Variants in SAMMSON observed in about 807,000 individuals in gnomAD.
The protein encoded by SAMMSON is survival associated mitochondrial melanoma specific oncogenic non-coding RNA.
rs544741575 is a variant in SAMMSON at position 70,018,368 on chromosome 3, C to T, written n.417+4696C>T. Among the ~76,000 whole-genome samples, 16 of 152,182 alleles carry T rather than the reference C, an allele frequency of 1.1e-4. No individual in the cohort carries two copies. The East Asian group carries it at 2.9e-3, about 28-fold the overall frequency. ...TCTTCTAGATTTTCTAGTTTATTTGCGTAGAGGTGTTTATAGTATTTTATG... is the reference window on the plus strand; with the variant it reads ...TCTTCTAGATTTTCTAGTTTATTTGTGTAGAGGTGTTTATAGTATTTTATG... On this transcript the variant is annotated intron_variant and non_coding_transcript_variant, in intron 3 of 9. Coordinates refer to ENST00000642114, the Ensembl canonical transcript of SAMMSON.
At chr3:70,152,948 G>A (rs2067577352) in intron 4 of SAMMSON, among the ~76,000 whole-genome samples, 1 of 151,976 alleles carries the variant, frequency 6.6e-6, no homozygotes, top group Admixed American at 6.6e-5. Context: ...ATTGTGTCTG[G>A]TCTGAAGCAT....
At chr3:70,176,354 G>A (rs764125116) in intron 4 of SAMMSON, among the ~76,000 whole-genome samples, 1 of 152,116 alleles carries the variant, frequency 6.6e-6, no homozygotes, top group Non-Finnish European at 1.5e-5. Context: ...GTAATTAGAG[G>A]CATTAAGGAA....
intron 4 of SAMMSON, among the ~76,000 whole-genome samples, chr3:70,230,911 A>C (rs1701553555): frequency 6.6e-6 from 1 of 152,144 alleles, no homozygotes; most frequent in Non-Finnish European, 1.5e-5. Flanking sequence ...TTGAAAAGGC[A>C]AACTTCCACT....
At chr3:70,286,582 C>T (rs1457161473) in intron 6 of SAMMSON, among the ~76,000 whole-genome samples, 1 of 151,818 alleles carries the variant, frequency 6.6e-6, no homozygotes, top group East Asian at 1.9e-4. Flanking sequence ...GTAGTTTTTT[C>T]CAATTCTGTG....
At chr3:70,031,786 T>C (rs1233640572) in intron 3 of SAMMSON, among the ~76,000 whole-genome samples, 2 of 152,192 alleles carry the variant, frequency 1.3e-5, no homozygotes, top group Non-Finnish European at 2.9e-5. Context: ...TGATGAGACA[T>C]TAAAACACTG....
At chr3:70,072,192 C>T (rs1034906291) in intron 4 of SAMMSON, 5 of 151,786 alleles carry the variant, frequency 3.3e-5, no homozygotes, top group African/African-American at 1.2e-4. Flanking sequence ...CAAAGTTGTT[C>T]CAGGTTTTTT....
intron 7 of SAMMSON, among the ~76,000 whole-genome samples, chr3:70,324,945 G>A (rs58792696): frequency 0.021 from 3,214 of 150,360 alleles, 98 homozygotes; most frequent in African/African-American, 0.065. Flanking sequence ...GAAGTGATAC[G>A]ATTAGGAAAA....
chr3:70,125,621 A>C, intron 4 of SAMMSON: 1 of 699,704 alleles, frequency 1.4e-6, no homozygotes, highest in East Asian at 2.7e-5. Flanking sequence ...TCTTTCTTAA[A>C]TGCAGCTGGC....
intron 7 of SAMMSON, among the ~76,000 whole-genome samples, chr3:70,292,964 T>A (rs957717800): frequency 4.7e-5 from 7 of 149,426 alleles, no homozygotes; most frequent in Non-Finnish European, 1.5e-5. Flanking sequence ...TACTAACAAT[T>A]TAAATGTTTC....
intron 4 of SAMMSON, among the ~76,000 whole-genome samples, chr3:70,240,746 C>A (rs911128538): frequency 6.6e-6 from 1 of 152,030 alleles, no homozygotes; most frequent in African/African-American, 2.4e-5. Context: ...TTATTCTGCA[C>A]GAGAAGACAG....
intron 4 of SAMMSON, among the ~76,000 whole-genome samples, chr3:70,121,033 G>C (rs1214712126): frequency 1.3e-5 from 2 of 152,280 alleles, no homozygotes; most frequent in East Asian, 3.9e-4. Flanking sequence ...GCCGTATCTG[G>C]GGGTCATGAG....
At chr3:70,308,344 A>G (rs2106707589) in intron 7 of SAMMSON, among the ~76,000 whole-genome samples, 1 of 152,284 alleles carries the variant, frequency 6.6e-6, no homozygotes, top group South Asian at 2.1e-4. Context: ...GGCATGAGTC[A>G]CTATGCTGAG....
chr3:70,281,568 AAAAC>A lies in SAMMSON; in HGVS notation n.675-9599_675-9596del, dbSNP rs1296353306. Among the ~76,000 whole-genome samples, 4 of 152,162 alleles carry A rather than the reference AAAAC, an allele frequency of 2.6e-5. No homozygotes were observed. In the East Asian group the frequency reaches 5.8e-4, roughly 22 times the overall value. ...AGTGTCTAGCACAGGGTAAAAGCTCAAAACAAACAAACAAATTGCTCTAGTTATG... is the reference window on the plus strand; with the variant it reads ...AGTGTCTAGCACAGGGTAAAAGCTCAAAACAAACAAATTGCTCTAGTTATG... On this transcript the variant is annotated intron_variant and non_coding_transcript_variant, in intron 6 of 9. Coordinates refer to ENST00000642114, the Ensembl canonical transcript of SAMMSON.
At chr3:70,047,319 TTCTC>T (rs1274533029) in intron 3 of SAMMSON, among the ~76,000 whole-genome samples, 62 of 151,198 alleles carry the variant, frequency 4.1e-4, no homozygotes, top group African/African-American at 1.4e-3. Context: ...ATTATATAAT[TTCTC>T]TCTCTCTCTC....
chr3:70,351,612 T>C (rs916841106), intron 7 of SAMMSON, among the ~76,000 whole-genome samples: 2 of 152,104 alleles, frequency 1.3e-5, no homozygotes, highest in African/African-American at 2.4e-5. Context: ...GTGAATTCCC[T>C]GGGATTTGTT....
intron 7 of SAMMSON, among the ~76,000 whole-genome samples, chr3:70,321,145 G>A (rs1043059025): frequency 6.6e-6 from 1 of 152,052 alleles, no homozygotes; most frequent in African/African-American, 2.4e-5. Context: ...CAAGGCATAT[G>A]CTTTGATCAG....
intron 6 of SAMMSON, among the ~76,000 whole-genome samples, chr3:70,251,468 C>G (rs1701767461): frequency 6.6e-6 from 1 of 152,074 alleles, no homozygotes; most frequent in South Asian, 2.1e-4. Flanking sequence ...TATATTAGAT[C>G]AATGTATTGG....
intron 4 of SAMMSON, among the ~76,000 whole-genome samples, chr3:70,187,431 T>G (rs911989215): frequency 2.8e-5 from 3 of 105,842 alleles, no homozygotes; most frequent in East Asian, 2.4e-4. Context: ...CCAACTCTTT[T>G]TTTTTTTTTT....
chr3:70,028,143 T>TTTCCTTCCTTCCTTCCTTCCTTCC (rs540467067), intron 3 of SAMMSON, among the ~76,000 whole-genome samples: 2 of 130,762 alleles, frequency 1.5e-5, no homozygotes, highest in African/African-American at 6.1e-5. Flanking sequence ...TCCTTCCTTC[T>TTTCCTTCCTTCCTTCCTTCCTTCC]TTCCTTCCTT....
Sources: gnomAD v4.1 joint callset for allele counts (sites outside exome capture counted in the v4.1 genomes callset) on GRCh38, gnomAD v4.1.1 for gene constraint, MANE v1.5 for transcripts, NCBI Gene and HGNC (gene_info 2026-07-23, HGNC 2026-07-21) for gene names.